BTBD8: variants seen among roughly 807,000 people sequenced by gnomAD.
BTBD8 encodes BTB/POZ domain-containing protein 8.
A neutral mutation model predicts 162.9 loss-of-function variants in BTBD8; 110 were observed. The observed-to-expected ratio is 0.68, with a 90% CI of 0.58 to 0.79. BTBD8 has a LOEUF of 0.79. Ranked by LOEUF, BTBD8 falls within the 30% of genes least tolerant of loss-of-function variation. The pLI, the probability that BTBD8 is intolerant of heterozygous loss-of-function variation, is 0.00. For missense variants in BTBD8, 1,905 were observed against 2,085.4 expected (o/e 0.91, Z 1.68); for synonymous variants, 667 against 716.1 (o/e 0.93, Z 1.10).
intron 5 of BTBD8, among the ~76,000 whole-genome samples, chr1:92,139,028 T>C (rs1395449424): frequency 1.3e-5 from 2 of 152,230 alleles, no homozygotes; most frequent in Non-Finnish European, 2.9e-5. Context: ...TTGAAAATGC[T>C]GAGAAGAGGA....
chr1:92,168,013 A>G (rs1167631407), intron 11 of BTBD8, 28 bp downstream of exon 11: 2 of 1,505,232 alleles, frequency 1.3e-6, no homozygotes, highest in South Asian at 2.6e-5. Context: ...ATTTATTAAA[A>G]TAATGCAATA....
intron 2 of BTBD8, among the ~76,000 whole-genome samples, chr1:92,100,799 C>T (rs974809555): frequency 1.1e-4 from 17 of 151,966 alleles, no homozygotes; most frequent in Admixed American, 1.1e-3. Context: ...TTAGTAGAGA[C>T]GGGGTTTCAC....
intron 4 of BTBD8, among the ~76,000 whole-genome samples, chr1:92,112,872 A>C (rs923376197): frequency 6.6e-6 from 1 of 152,244 alleles, no homozygotes; most frequent in Non-Finnish European, 1.5e-5. Context: ...ATAAATAAAT[A>C]AATACATTCT....
intron 4 of BTBD8, 77 bp downstream of exon 4, chr1:92,108,078 G>C: frequency 8.8e-6 from 12 of 1,368,724 alleles, no homozygotes; most frequent in Non-Finnish European, 1.1e-5. Context: ...TACCAGCACG[G>C]TGGTTTTCAA....
chr1:92,162,564 A>G (rs1314418233), intron 9 of BTBD8, among the ~76,000 whole-genome samples: 1 of 152,206 alleles, frequency 6.6e-6, no homozygotes, highest in Non-Finnish European at 1.5e-5. Flanking sequence ...TTAAATGCAG[A>G]TTCTAATTCA....
chr1:92,098,215 G>C (rs1005167219), intron 2 of BTBD8, among the ~76,000 whole-genome samples: 3 of 152,094 alleles, frequency 2.0e-5, no homozygotes, highest in African/African-American at 7.2e-5. Flanking sequence ...CCAGATATCA[G>C]CCAAGGGCCA....
chr1:92,169,351 A>G (rs538800511), intron 12 of BTBD8, among the ~76,000 whole-genome samples: 1 of 152,288 alleles, frequency 6.6e-6, no homozygotes, highest in East Asian at 1.9e-4. Context: ...TCCTTTTTAA[A>G]TATGTTTTGT....
At chr1:92,135,167 G>A (rs777970590) in intron 5 of BTBD8, among the ~76,000 whole-genome samples, 31 of 151,856 alleles carry the variant, frequency 2.0e-4, no homozygotes, top group Admixed American at 9.8e-4. Context: ...GATTATAGGC[G>A]TGAGCCACTG....
intron 4 of BTBD8, chr1:92,115,509 G>C (rs1649015290): frequency 2.4e-6 from 1 of 419,396 alleles, no homozygotes; most frequent in African/African-American, 2.1e-5. Context: ...GAAGATGCCA[G>C]TGGACTCCAT....
chr1:92,177,334 G>A lies in BTBD8; in HGVS notation c.2141G>A (p.Gly714Glu), dbSNP rs1452043414. The A allele has an allele frequency of 6.4e-7, 1 of 1,551,848 alleles. No individual in the cohort carries two copies. Among genetic ancestry groups the A allele is most frequent in the South Asian group, 1.2e-5 (1 of 84,062 alleles). Reference sequence around the variant, plus strand: ...GCAAAGCCTTTGAAGAAAGCTACAGGGAAGGATTCACCATGCCTCAGCATC... The same window carrying A: ...GCAAAGCCTTTGAAGAAAGCTACAGAGAAGGATTCACCATGCCTCAGCATC... The part of the protein sequence containing the change: ...AKAKPLKKAT[G>E]KDSPCLSIAG... Residue 714 changes from glycine to glutamate, a missense_variant, in exon 14 of 18, where the codon GGG becomes GAG. Physicochemically the swap from Gly to Glu is moderately conservative, Grantham distance 98. Transcript: ENST00000636805.
At chr1:92,106,398 C>T (rs1748178) in intron 3 of BTBD8, among the ~76,000 whole-genome samples, 4,781 of 152,018 alleles carry the variant, frequency 0.031, 89 homozygotes, top group African/African-American at 0.039. Context: ...TGGTGGCTCA[C>T]GCCTGTAATC....
chr1:92,144,007 C>T (rs1344884222), intron 7 of BTBD8, among the ~76,000 whole-genome samples: 1 of 126,876 alleles, frequency 7.9e-6, no homozygotes, highest in African/African-American at 3.0e-5. Context: ...GAGGCTCCCT[C>T]TGTCACCCGG....
chr1:92,091,941 T>C (rs894319124), intron 2 of BTBD8, among the ~76,000 whole-genome samples: 10 of 152,168 alleles, frequency 6.6e-5, no homozygotes, highest in African/African-American at 9.7e-5. Context: ...TGGACACTCT[T>C]ACTGAAAATC....
At chr1:92,123,834 T>A (rs1649280641) in intron 4 of BTBD8, among the ~76,000 whole-genome samples, 1 of 151,332 alleles carries the variant, frequency 6.6e-6, no homozygotes, top group African/African-American at 2.4e-5. Flanking sequence ...CAAGGTGATA[T>A]TTTAATGCAG....
At chr1:92,150,444 A>T (rs575152182) in intron 9 of BTBD8, among the ~76,000 whole-genome samples, 1 of 152,262 alleles carries the variant, frequency 6.6e-6, no homozygotes, top group East Asian at 1.9e-4. Context: ...CTCCTGCCAC[A>T]TGCAGTTCCA....
intron 9 of BTBD8, among the ~76,000 whole-genome samples, chr1:92,153,241 A>G (rs577916982): frequency 1.3e-5 from 2 of 152,326 alleles, no homozygotes; most frequent in Admixed American, 6.5e-5. Flanking sequence ...ACAAAGCACT[A>G]CTTATGACCA....
intron 2 of BTBD8, among the ~76,000 whole-genome samples, chr1:92,095,622 C>T (rs2101897946): frequency 6.6e-6 from 1 of 152,308 alleles, no homozygotes; most frequent in East Asian, 1.9e-4. Flanking sequence ...CAGTCATCAG[C>T]AGACTGCCAG....
chr1:92,167,089 A>G lies in BTBD8; in HGVS notation c.1254A>G (p.Val418=). ...AAGAAAAATGTATTGCATTTATTGT[A>G]GACAACTTCTCCAAGATTATTCAGA... ...QLQEKCIAFI[V]DNFSKIIQSE... is the part of the protein sequence containing the mutation. Residue 418 remains valine (V), a synonymous_variant, in exon 10 of 18, where the codon GTA becomes GTG. Transcript: ENST00000636805. 6.4e-7 allele frequency: 1 copy of G among 1,550,598 alleles called. No individual in the cohort carries two copies. Among genetic ancestry groups the G allele is most frequent in the Non-Finnish European group, 8.7e-7 (1 of 1,146,994 alleles).
At chr1:92,082,893 C>T (rs1364216228) in intron 1 of BTBD8, among the ~76,000 whole-genome samples, 3 of 151,998 alleles carry the variant, frequency 2.0e-5, no homozygotes, top group East Asian at 3.9e-4. Context: ...ATTTGCTATA[C>T]ACTGGGCTTA....
Sources: gnomAD v4.1 joint callset for allele counts (sites outside exome capture counted in the v4.1 genomes callset) on GRCh38, gnomAD v4.1.1 for gene constraint, MANE v1.5 for transcripts, NCBI Gene and HGNC (gene_info 2026-07-23, HGNC 2026-07-21) for gene names.